MGAT4C: variants seen among roughly 807,000 people sequenced by gnomAD.
MGAT4C encodes MGAT4 family member C.
MGAT4C carries 19 observed loss-of-function variants against 40.1 expected under a neutral mutation model. That is an observed-to-expected ratio of 0.47 (90% CI 0.33 to 0.70). The LOEUF is 0.70. MGAT4C is among the 30% of genes least tolerant of loss of function. The pLI, the probability that MGAT4C is intolerant of heterozygous loss-of-function variation, is 0.02. For synonymous variants in MGAT4C, 181 were observed against 187.1 expected, an observed-to-expected ratio of 0.97 and a Z score of 0.27; for missense variants, 491 against 563.2, an observed-to-expected ratio of 0.87 and a Z score of 1.30.
At chr12:86,696,091 A>G (rs1249537390) in intron 2 of MGAT4C, among the ~76,000 whole-genome samples, 2 of 151,984 alleles carry the variant, frequency 1.3e-5, no homozygotes, top group Non-Finnish European at 2.9e-5. Context: ...GCGCACCTGT[A>G]TTCCCAACTA....
chr12:86,773,399 A>C (rs1366556780), intron 1 of MGAT4C, among the ~76,000 whole-genome samples: 1 of 152,110 alleles, frequency 6.6e-6, no homozygotes, highest in Non-Finnish European at 1.5e-5. Flanking sequence ...TGACACCTTG[A>C]TCTTGAACTT....
intron 3 of MGAT4C, among the ~76,000 whole-genome samples, chr12:86,428,499 T>A (rs1229910878): frequency 6.6e-6 from 1 of 152,214 alleles, no homozygotes; most frequent in Non-Finnish European, 1.5e-5. Context: ...AGACATGAGC[T>A]ACCACTCCCG....
At chr12:86,368,209 A>G (rs1955644551) in intron 3 of MGAT4C, among the ~76,000 whole-genome samples, 1 of 152,188 alleles carries the variant, frequency 6.6e-6, no homozygotes, top group African/African-American at 2.4e-5. Context: ...ATCAACAATG[A>G]AAAGGAAAAC....
chr12:86,494,045 G>A (rs1418382724), intron 2 of MGAT4C, among the ~76,000 whole-genome samples: 1 of 151,664 alleles, frequency 6.6e-6, no homozygotes, highest in Non-Finnish European at 1.5e-5. Flanking sequence ...TGGTAATTTT[G>A]TATAGCCATG....
At chr12:86,148,306 A>G (rs777086705) in intron 1 of MGAT4C, among the ~76,000 whole-genome samples, 3 of 152,214 alleles carry the variant, frequency 2.0e-5, no homozygotes, top group Non-Finnish European at 2.9e-5. Flanking sequence ...TACCTGTGTA[A>G]CAAGCCTGCA....
chr12:86,128,016 A>G lies in MGAT4C; in HGVS notation c.-56-78293T>C, dbSNP rs1880566177. On this transcript the variant is annotated intron_variant, in intron 1 of 4. Coordinates refer to ENST00000611864, the MANE Select transcript of MGAT4C (RefSeq NM_001351288.2). ...TAAACCAGTAACACAATCGTTCTTT[A>G]GCATTATCAAGTATTCTGCACTGTA... 2.0e-5 allele frequency among the ~76,000 whole-genome samples: 3 copies of G among 152,348 alleles called. No individual in the cohort carries two copies. In the South Asian group the frequency reaches 6.2e-4, roughly 32 times the overall value.
rs559737606 is a variant in MGAT4C, at chr12:86,720,110, G to C, written c.-229+7099C>G. Reference sequence around the variant, plus strand: ...AGAAATATTGTGGTGGTGGACAGGTGGGGGAAAGGAACAAAGAAATTCTGA... The same window carrying C: ...AGAAATATTGTGGTGGTGGACAGGTCGGGGAAAGGAACAAAGAAATTCTGA... On this transcript the variant is annotated intron_variant, in intron 2 of 7. Transcript: ENST00000548651. Among the ~76,000 whole-genome samples, 5 of 152,242 alleles carry C rather than the reference G, an allele frequency of 3.3e-5. No homozygotes were observed. The South Asian group carries it at 1.0e-3, about 32-fold the overall frequency.
At chr12:86,232,192 T>C (rs1476897046) in intron 1 of MGAT4C, among the ~76,000 whole-genome samples, 1 of 151,948 alleles carries the variant, frequency 6.6e-6, no homozygotes, top group African/African-American at 2.4e-5. Flanking sequence ...TTACTAAAGA[T>C]TTCCAGTTTC....
At chr12:86,698,243 T>A (rs1298228664) in intron 2 of MGAT4C, among the ~76,000 whole-genome samples, 2 of 151,988 alleles carry the variant, frequency 1.3e-5, no homozygotes, top group Non-Finnish European at 2.9e-5. Context: ...AAAGGAGTAT[T>A]AATAGATTCA....
At chr12:86,241,954 G>A (rs1434318531) in intron 1 of MGAT4C, among the ~76,000 whole-genome samples, 1 of 152,052 alleles carries the variant, frequency 6.6e-6, no homozygotes, top group East Asian at 1.9e-4. Context: ...ACTAGGGGAG[G>A]GGGGGAAATT....
intron 4 of MGAT4C, among the ~76,000 whole-genome samples, chr12:86,261,726 G>A (rs965679898): frequency 6.6e-6 from 1 of 152,000 alleles, no homozygotes; most frequent in Non-Finnish European, 1.5e-5. Flanking sequence ...ATGATTAATT[G>A]AGAGCATACC....
Position 86,066,193 on chromosome 12 carries a change from G to T in MGAT4C, c.-56-16470C>A, listed in dbSNP as rs149097946. ...CAAGGTACCACTGATTTTCTTCACA[G>T]AATCAGACAAAACTACTTTAAATTT... On this transcript the variant is annotated intron_variant, in intron 1 of 4. Coordinates refer to ENST00000611864, the MANE Select transcript of MGAT4C (RefSeq NM_001351288.2). 2.2e-3 allele frequency among the ~76,000 whole-genome samples: 331 copies of T among 152,120 alleles called. 3 individuals are homozygous for T. The highest frequency in any genetic ancestry group is 0.01 in the Middle Eastern group (3 of 294).
intron 3 of MGAT4C, among the ~76,000 whole-genome samples, chr12:86,401,302 G>GTGTGTA (rs1555184016): frequency 2.0e-5 from 3 of 148,888 alleles, no homozygotes; most frequent in Non-Finnish European, 4.5e-5. Flanking sequence ...GTGTGTGTGT[G>GTGTGTA]TATATATATA....
intron 1 of MGAT4C, among the ~76,000 whole-genome samples, chr12:86,740,572 T>C (rs1218725165): frequency 5.9e-5 from 9 of 151,292 alleles, no homozygotes; most frequent in Non-Finnish European, 1.3e-4. Flanking sequence ...CATAAAACCA[T>C]TTCTGCACAG....
At chr12:86,505,954 C>A (rs900883738) in intron 2 of MGAT4C, among the ~76,000 whole-genome samples, 8 of 152,032 alleles carry the variant, frequency 5.3e-5, no homozygotes, top group Non-Finnish European at 1.2e-4. Flanking sequence ...CAGGTCATAC[C>A]ATGTCCTAAT....
intron 1 of MGAT4C, among the ~76,000 whole-genome samples, chr12:86,830,771 C>T (rs532069284): frequency 1.3e-4 from 20 of 151,172 alleles, no homozygotes; most frequent in Admixed American, 7.9e-4. Flanking sequence ...CACAGGTAGA[C>T]GTGGATATCT....
At chr12:86,786,318 G>T (rs1436773524) in intron 1 of MGAT4C, among the ~76,000 whole-genome samples, 1 of 151,946 alleles carries the variant, frequency 6.6e-6, no homozygotes, top group African/African-American at 2.4e-5. Flanking sequence ...AAATCTGTAG[G>T]TTTCTAACAA....
At chr12:86,828,500 A>G (rs1187914504) in intron 1 of MGAT4C, among the ~76,000 whole-genome samples, 3 of 151,488 alleles carry the variant, frequency 2.0e-5, no homozygotes, top group Middle Eastern at 3.2e-3. Flanking sequence ...GACAGAGTAA[A>G]TTAATTTGAA....
intron 4 of MGAT4C, among the ~76,000 whole-genome samples, chr12:86,267,031 A>T (rs1952803621): frequency 6.6e-6 from 1 of 151,314 alleles, no homozygotes; most frequent in Non-Finnish European, 1.5e-5. Flanking sequence ...TTAGTTTATC[A>T]GTTTTGTTTG....
Sources: gnomAD v4.1 joint callset for allele counts (sites outside exome capture counted in the v4.1 genomes callset) on GRCh38, gnomAD v4.1.1 for gene constraint, MANE v1.5 for transcripts, NCBI Gene and HGNC (gene_info 2026-07-23, HGNC 2026-07-21) for gene names.